Variants in TIAM1 observed in about 807,000 individuals in gnomAD.
TIAM1 encodes TIAM Rac1 associated GEF 1.
TIAM1 carries 65 observed loss-of-function variants against 163.5 expected under a neutral mutation model. The observed-to-expected ratio is 0.40, with a 90% CI of 0.33 to 0.49. The LOEUF (loss-of-function observed/expected upper bound fraction) is 0.49, where lower values mean the gene tolerates loss of function less well. Ranked by LOEUF, TIAM1 falls within the 20% of genes least tolerant of loss-of-function variation. TIAM1 has a pLI of 0.77. For synonymous variants in TIAM1, 833 were observed against 810.1 expected (o/e 1.03, Z -0.48); for missense variants, 1,789 against 2,044.7 (o/e 0.87, Z 2.41).
chr21:31,311,686 G>A (rs2074935451), intron 2 of TIAM1, among the ~76,000 whole-genome samples: 1 of 152,194 alleles, frequency 6.6e-6, no homozygotes, highest in South Asian at 2.1e-4. Context: ...ACTGAGCAGT[G>A]ATTGAGAATT....
At chr21:31,220,513 GA>G (rs2087497699) in intron 8 of TIAM1, among the ~76,000 whole-genome samples, 1 of 151,900 alleles carries the variant, frequency 6.6e-6, no homozygotes, top group Non-Finnish European at 1.5e-5. Flanking sequence ...AAAAAAGAAA[GA>G]AAAAAGAAAA....
chr21:31,426,523 G>A (rs1346167901), intron 2 of TIAM1, among the ~76,000 whole-genome samples: 4 of 152,138 alleles, frequency 2.6e-5, no homozygotes, highest in Admixed American at 6.6e-5. Context: ...ACCAACTGTG[G>A]TCTGTTTCTA....
At chr21:31,499,570 C>G (rs1164178052) in intron 1 of TIAM1, among the ~76,000 whole-genome samples, 2 of 140,420 alleles carry the variant, frequency 1.4e-5, no homozygotes, top group African/African-American at 2.7e-5. Context: ...AAAAAAAAAA[C>G]GCTGAGCACG....
At chr21:31,238,717 GA>G (rs1486707029) in intron 6 of TIAM1, among the ~76,000 whole-genome samples, 1 of 152,178 alleles carries the variant, frequency 6.6e-6, no homozygotes, top group East Asian at 1.9e-4. Flanking sequence ...GTAGGAATGA[GA>G]AAAAGCTAGT....
intron 2 of TIAM1, among the ~76,000 whole-genome samples, chr21:31,298,004 A>C (rs963197236): frequency 3.3e-5 from 5 of 152,192 alleles, no homozygotes; most frequent in Non-Finnish European, 5.9e-5. Flanking sequence ...TAATTTGAAA[A>C]ACGTTTCTAT....
intron 1 of TIAM1, among the ~76,000 whole-genome samples, chr21:31,525,367 CAAAAAA>C (rs200283424): frequency 9.8e-6 from 1 of 101,712 alleles, no homozygotes. Flanking sequence ...GACTCCGTCT[CAAAAAA>C]AAAAAAAAAA....
At chr21:31,473,346 C>T (rs1320833472) in intron 1 of TIAM1, among the ~76,000 whole-genome samples, 1 of 139,460 alleles carries the variant, frequency 7.2e-6, no homozygotes, top group Non-Finnish European at 1.5e-5. Flanking sequence ...AGGAGAATAG[C>T]GTGAGCCTGG....
intron 2 of TIAM1, among the ~76,000 whole-genome samples, chr21:31,379,432 T>C (rs946985542): frequency 2.6e-5 from 4 of 151,960 alleles, no homozygotes; most frequent in Non-Finnish European, 5.9e-5. Context: ...AACACTGCAC[T>C]ATGCCCTAGC....
rs10716139 is a variant in TIAM1, at chr21:31,510,814, C to CA, written c.-421-46780dup. Reference sequence around the variant, plus strand: ...GGGCTACAAGAGTGAAACTCCATCTCAAAAAAAAAAAAACAAAAAAAACTG... The same window carrying CA: ...GGGCTACAAGAGTGAAACTCCATCTCAAAAAAAAAAAAAACAAAAAAAACTG... On this transcript the variant is annotated intron_variant, in intron 1 of 28. Transcript: ENST00000286827. 4.5e-3 allele frequency among the ~76,000 whole-genome samples: 622 copies of CA among 138,674 alleles called. 1 individual carries two copies. Among genetic ancestry groups the CA allele is most frequent in the Non-Finnish European group, 6.1e-3 (391 of 63,742 alleles). The allele number at this position is 138,674 out of a possible 152,430, so 91.0% of individuals were successfully genotyped here. A position where few individuals can be genotyped will look rare whatever the true frequency, so the allele number is the denominator to read the frequency against.
intron 2 of TIAM1, among the ~76,000 whole-genome samples, chr21:31,303,034 A>T (rs1426624850): frequency 6.6e-6 from 1 of 152,208 alleles, no homozygotes; most frequent in African/African-American, 2.4e-5. Flanking sequence ...TGTGATCTTC[A>T]TATCACTAAA....
At chr21:31,151,651 G>C (rs1038351762) in intron 19 of TIAM1, among the ~76,000 whole-genome samples, 1 of 152,204 alleles carries the variant, frequency 6.6e-6, no homozygotes, top group Non-Finnish European at 1.5e-5. Flanking sequence ...TGATTGTGAC[G>C]ATGGTTTCAT....
chr21:31,458,022 T>C (rs539404659), intron 2 of TIAM1, among the ~76,000 whole-genome samples: 2 of 152,270 alleles, frequency 1.3e-5, no homozygotes, highest in South Asian at 4.1e-4. Flanking sequence ...AAAACTGTAC[T>C]AGACCAGGGG....
At position 31,506,283 on chromosome 21, in the gene TIAM1, T is replaced by C. The variant is rs373279505; in HGVS notation, c.-421-42248A>G. 3.2e-3 allele frequency among the ~76,000 whole-genome samples: 275 copies of C among 85,158 alleles called. 1 individual carries two copies. Among genetic ancestry groups the C allele is most frequent in the African/African-American group, 8.0e-3 (173 of 21,570 alleles). 55.9% of individuals were successfully genotyped at this position (85,158 alleles called of 152,430 possible). On this transcript the variant is annotated intron_variant, in intron 1 of 28. Transcript: ENST00000286827. The stretch of plus-strand genomic sequence containing the variant: ...ACGTACACACACACACACACACACA[T>C]ATGCATCTGCATCTTTTTCCTCCCT...
At chr21:31,226,034 A>C in intron 6 of TIAM1, 84 bp from the exon 7 acceptor site, 1 of 1,254,254 alleles carries the variant, frequency 8.0e-7, no homozygotes, top group Non-Finnish European at 1.1e-6. Context: ...CAGAGAAGCA[A>C]TGCCTGGGAG....
chr21:31,210,715 GAGAAAGAAAGAAAGAGAAA>G (rs1569033748), intron 10 of TIAM1, among the ~76,000 whole-genome samples: 21 of 97,480 alleles, frequency 2.2e-4, no homozygotes, highest in African/African-American at 1.4e-3. Flanking sequence ...GAGAAAGAAA[GAGAAAGAAAGAAAGAGAAA>G]GAAGGAAGGA....
chr21:31,202,979 G>A lies in TIAM1; in HGVS notation c.2422C>T (p.Arg808Cys), dbSNP rs776208236. 42 of 1,613,780 alleles carry A rather than the reference G, an allele frequency of 2.6e-5. No homozygotes were observed. Among genetic ancestry groups the A allele is most frequent in the East Asian group, 6.7e-5 (3 of 44,880 alleles). Residue 808 changes from arginine (R) to cysteine (C), a missense_variant, in exon 12 of 28, where the codon CGC (arginine) becomes TGC (cysteine). Arg to Cys is a radical substitution (Grantham distance 180). Coordinates refer to ENST00000541036, the MANE Select transcript of TIAM1 (RefSeq NM_001353694.2). Reference sequence around the variant, plus strand: ...TTGTTTTCTATTAGAAATTTCAGGCGCAGGTAATGAGCAGAATGATCCAGT... The same window carrying A: ...TTGTTTTCTATTAGAAATTTCAGGCACAGGTAATGAGCAGAATGATCCAGT... Reference protein sequence around the residue: ...HQLDHSAHYLRLKFLIENKMQ... With the variant: ...HQLDHSAHYLCLKFLIENKMQ...
intron 1 of TIAM1, among the ~76,000 whole-genome samples, chr21:31,541,186 G>T (rs9982592): frequency 0.21 from 32,193 of 152,194 alleles, 3,598 homozygotes; most frequent in African/African-American, 0.25. Flanking sequence ...GGCTGGGCAT[G>T]GTGGCTCATG....
At chr21:31,264,778 T>C (rs1382183451) in intron 4 of TIAM1, among the ~76,000 whole-genome samples, 1 of 152,204 alleles carries the variant, frequency 6.6e-6, no homozygotes, top group Non-Finnish European at 1.5e-5. Context: ...GAAGGTGCAG[T>C]ACCACCTCCT....
chr21:31,406,515 C>T (rs2077249755), intron 2 of TIAM1, among the ~76,000 whole-genome samples: 1 of 138,536 alleles, frequency 7.2e-6, no homozygotes, highest in Admixed American at 7.1e-5. Context: ...CAGGGCCTGC[C>T]CTACAGCAGC....
Sources: gnomAD v4.1 joint callset for allele counts (sites outside exome capture counted in the v4.1 genomes callset) on GRCh38, gnomAD v4.1.1 for gene constraint, MANE v1.5 for transcripts, NCBI Gene and HGNC (gene_info 2026-07-23, HGNC 2026-07-21) for gene names.